Variants in SYDE2 observed in about 807,000 individuals in gnomAD.
The protein encoded by SYDE2 is rho GTPase-activating protein SYDE2.
A neutral mutation model predicts 91.5 loss-of-function variants in SYDE2; 76 were observed. The ratio of observed to expected loss-of-function variants is 0.83; its 90% CI spans 0.69 to 1.01. The LOEUF (loss-of-function observed/expected upper bound fraction) is 1.01, where lower values mean the gene tolerates loss of function less well. Ranked by LOEUF, SYDE2 falls within the 50% of genes least tolerant of loss-of-function variation. The probability of loss-of-function intolerance (pLI) is 0.00; values close to 1 mark genes in which losing one functional copy is unlikely to be tolerated. For missense variants in SYDE2, 1,364 were observed against 1,367.7 expected (o/e 1.00, Z 0.04); for synonymous variants, 513 against 506.4 (o/e 1.01, Z -0.18).
At chr1:85,153,752 C>A (rs1656821396), downstream of SYDE2, 1 of 151,966 alleles carries the variant, frequency 6.6e-6, no homozygotes, top group African/African-American at 2.4e-5. Context: ...GACGACCTAG[C>A]CTCTCTTAGT....
In SYDE2 at chr1:85,182,408, A is replaced by C. The variant is rs761121439; in HGVS notation, c.2234T>G (p.Val745Gly). 2.5e-6 allele frequency: 4 copies of C among 1,613,734 alleles called. No homozygotes were observed. The South Asian group carries it at 4.4e-5, about 18-fold the overall frequency. ...EIENAQHLKL[V>G]VFSWEPTPRK... Reference sequence around the variant, plus strand: ...TGGAGTGGGTTCCCAACTGAATACTACTAGTTTCAAATGTTGTGCATTTTC... The same window carrying C: ...TGGAGTGGGTTCCCAACTGAATACTCCTAGTTTCAAATGTTGTGCATTTTC... Residue 745 changes from valine (V) to glycine (G), a missense_variant, in exon 3 of 7, where the codon GTA becomes GGA. Physicochemically the swap from Val to Gly is moderately radical, Grantham distance 109 (BLOSUM62 -3). Coordinates refer to ENST00000341460, the MANE Select transcript of SYDE2 (RefSeq NM_032184.2).
chr1:85,191,928 T>C (rs1186935939), intron 1 of SYDE2, among the ~76,000 whole-genome samples: 1 of 152,124 alleles, frequency 6.6e-6, no homozygotes, highest in Non-Finnish European at 1.5e-5. Context: ...TGACAGTCCA[T>C]AAGCTAAGTA....
At chr1:85,160,397 AG>A in intron 6 of SYDE2, 1 of 881,940 alleles carries the variant, frequency 1.1e-6, no homozygotes, top group African/African-American at 1.8e-5. Flanking sequence ...AACTGTACAC[AG>A]GTATGTTTTT....
At chr1:85,188,617 C>T (rs2100683577) in intron 2 of SYDE2, among the ~76,000 whole-genome samples, 1 of 152,332 alleles carries the variant, frequency 6.6e-6, no homozygotes, top group African/African-American at 2.4e-5. Context: ...CCTGCTATCA[C>T]TACGGGCAAC....
At chr1:85,170,493 T>G (rs1657462102) in intron 4 of SYDE2, among the ~76,000 whole-genome samples, 1 of 152,184 alleles carries the variant, frequency 6.6e-6, no homozygotes, top group South Asian at 2.1e-4. Context: ...TCATTGAGAG[T>G]TGAGTATCCT....
intron 1 of SYDE2, among the ~76,000 whole-genome samples, chr1:85,197,281 A>G (rs1046742331): frequency 4.6e-5 from 7 of 152,220 alleles, no homozygotes; most frequent in Non-Finnish European, 8.8e-5. Context: ...AAAAGTTCTT[A>G]GTAGGAGCCA....
At position 85,200,542 on chromosome 1, in the gene SYDE2, C is replaced by T. The variant is rs1658785717; in HGVS notation, c.455G>A (p.Cys152Tyr). ...LQPPGCKDHG[C>Y]SSGSPFRDPA... The stretch of plus-strand genomic sequence containing the variant: ...ATCCCTGAAAGGGCTTCCCGAGGAG[C>T]AGCCGTGGTCCTTGCAGCCTGGAGG... Residue 152 changes from cysteine to tyrosine, a missense_variant, in exon 1 of 7, where the codon TGC becomes TAC. Physicochemically the swap from Cys to Tyr is radical, Grantham distance 194. Coordinates refer to ENST00000341460, the MANE Select transcript of SYDE2 (RefSeq NM_032184.2). 2.5e-6 allele frequency: 4 copies of T among 1,611,290 alleles called. No individual in the cohort carries two copies. In the African/African-American group the frequency reaches 5.3e-5, roughly 22 times the overall value.
chr1:85,170,888 C>T (rs960189763), intron 4 of SYDE2, among the ~76,000 whole-genome samples: 6 of 152,136 alleles, frequency 3.9e-5, no homozygotes, highest in Non-Finnish European at 7.4e-5. Flanking sequence ...CAATTAATAA[C>T]CTTGCACACA....
rs1406851751 is a variant in SYDE2, at chr1:85,189,748, A to C, written c.1441+309T>G. Among the ~76,000 whole-genome samples, 7 of 152,178 alleles carry C rather than the reference A, an allele frequency of 4.6e-5. No individual in the cohort carries two copies. The East Asian group carries it at 1.3e-3, about 29-fold the overall frequency. The stretch of plus-strand genomic sequence containing the variant: ...CTACTCAGGAAGCTATGGTGGGAGG[A>C]TCACCTGAGCCTGGAGGTCAAGGCT... On this transcript the variant is annotated intron_variant, in intron 2 of 6. Coordinates refer to ENST00000341460, the MANE Select transcript of SYDE2 (RefSeq NM_032184.2).
At chr1:85,161,381 G>A (rs817414) in intron 6 of SYDE2, among the ~76,000 whole-genome samples, 34,384 of 152,006 alleles carry the variant, frequency 0.23, 4,815 homozygotes, top group African/African-American at 0.39. Context: ...GAAATAAGAG[G>A]AAAACTGATA....
chr1:85,156,384 TAAAA>T (rs1397481568), downstream of SYDE2, among the ~76,000 whole-genome samples: 1 of 140,130 alleles, frequency 7.1e-6, no homozygotes, highest in African/African-American at 2.6e-5. Flanking sequence ...TTGTCTCTAT[TAAAA>T]AAAAAAAAGA....
At chr1:85,174,423 T>G (rs967693909) in intron 4 of SYDE2, among the ~76,000 whole-genome samples, 19 of 150,922 alleles carry the variant, frequency 1.3e-4, no homozygotes, top group Non-Finnish European at 2.4e-4. Flanking sequence ...GACCATATTC[T>G]GGGCTTCAAA....
In SYDE2 at chr1:85,190,732, C is replaced by A; in HGVS notation, c.766G>T (p.Gly256Trp). ...AGTTCTCTTCCCTTCATTGAAGACC[C>A]ATAGGCATTTTCAAATAAATCTGTT... is the stretch of plus-strand genomic sequence containing the variant. ...TLTDLFENAY[G>W]SSMKGRELEE... Residue 256 changes from glycine (G) to tryptophan (W), a missense_variant, in exon 2 of 7, where the codon GGG becomes TGG. Coordinates refer to ENST00000341460, the MANE Select transcript of SYDE2 (RefSeq NM_032184.2). The A allele has an allele frequency of 6.3e-7, 1 of 1,598,372 alleles. No homozygotes were observed. The highest frequency in any genetic ancestry group is 1.1e-5 in the South Asian group (1 of 88,380).
At chr1:85,174,819 A>G (rs907414597) in intron 4 of SYDE2, among the ~76,000 whole-genome samples, 3 of 152,224 alleles carry the variant, frequency 2.0e-5, no homozygotes, top group Non-Finnish European at 4.4e-5. Context: ...TCTACATGCA[A>G]TCTAGGTAAA....
Position 85,182,602 on chromosome 1 carries a change from C to A in SYDE2, c.2040G>T (p.Gly680=), listed in dbSNP as rs368302910. 1 of 1,613,720 alleles carries A rather than the reference C, an allele frequency of 6.2e-7. No individual in the cohort carries two copies. The highest frequency in any genetic ancestry group is 1.3e-5 in the African/African-American group (1 of 74,892). The change falls in exon 3 of 7, where the codon GGG becomes GGT. Residue 680 remains glycine (G), a synonymous_variant. Coordinates refer to ENST00000341460, the MANE Select transcript of SYDE2 (RefSeq NM_032184.2). The stretch of plus-strand genomic sequence containing the variant: ...CACCATAGAAATGTACACTCATGAG[C>A]CCAGATATGTACTGTGAACACTTAG... ...DQPKCSQYIS[G]LMSVHFYGAE...
chr1:85,181,621 TAA>T (rs1217095817), intron 3 of SYDE2: 1 of 152,556 alleles, frequency 6.6e-6, no homozygotes, highest in Non-Finnish European at 1.5e-5. Flanking sequence ...ATGTTAAGCT[TAA>T]GTTTATTAAA....
Position 85,182,950 on chromosome 1 carries a change from A to T in SYDE2, c.1692T>A (p.Tyr564Ter), listed in dbSNP as rs774213167. ...SPDNTPSLSK[Y>*]NCREVHHTDI... ...CAGTATGATGAACTTCTCGGCAGTT[A>T]TATTTAGACAAAGAAGGAGTATTAT... The change falls in exon 3 of 7, where the codon TAT becomes TAA. Residue 564 changes from tyrosine to a stop codon, truncating the protein, a stop_gained. Coordinates refer to ENST00000341460, the MANE Select transcript of SYDE2 (RefSeq NM_032184.2). LOFTEE classifies it high-confidence loss of function. 1 of 1,613,732 alleles carries T rather than the reference A, an allele frequency of 6.2e-7. No homozygotes were observed.
intron 1 of SYDE2, among the ~76,000 whole-genome samples, chr1:85,191,754 T>C (rs1341019326): frequency 1.6e-5 from 2 of 124,954 alleles, no homozygotes; most frequent in Admixed American, 1.7e-4. Flanking sequence ...CGAGATTCCG[T>C]CTCAAAAAAA....
rs1658819072 is a variant in SYDE2, at chr1:85,200,980, G to A, written c.17C>T (p.Pro6Leu). Reference protein sequence around the residue: MHDLPPDSGARRGGRG... With the variant: MHDLPLDSGARRGGRG... ...GCCGCCCCGCCGCGCGCCCGAGTCA[G>A]GGGGCAGGTCGTGCATGGCCTGGAT... Residue 6 changes from proline (P) to leucine (L), a missense_variant, in exon 1 of 7, where the codon CCT (proline) becomes CTT (leucine). Pro to Leu is a moderately conservative substitution (Grantham distance 98). Coordinates refer to ENST00000341460, the MANE Select transcript of SYDE2 (RefSeq NM_032184.2). 5.4e-6 allele frequency: 7 copies of A among 1,304,572 alleles called. No homozygotes were observed. In the Admixed American group the frequency reaches 1.8e-4, roughly 33 times the overall value. 80.8% of individuals were successfully genotyped at this position (1,304,572 alleles called of 1,614,324 possible).
Sources: gnomAD v4.1 joint callset for allele counts (sites outside exome capture counted in the v4.1 genomes callset) on GRCh38, gnomAD v4.1.1 for gene constraint, MANE v1.5 for transcripts, NCBI Gene and HGNC (gene_info 2026-07-23, HGNC 2026-07-21) for gene names.